Variants in BSN observed in about 807,000 individuals in gnomAD.
BSN encodes protein bassoon.
Under a neutral mutation model 264.8 loss-of-function variants are expected in BSN, and 57 were observed. The observed-to-expected ratio is 0.22, with a 90% CI of 0.17 to 0.27. The LOEUF is 0.27. Ranked by LOEUF, BSN falls within the 10% of genes least tolerant of loss-of-function variation. The pLI is 1.00. For synonymous variants in BSN, 2,059 were observed against 2,137.3 expected (o/e 0.96, Z 1.01); for missense variants, 4,615 against 5,232.5 (o/e 0.88, Z 3.64).
In BSN at chr3:49,657,338, C is replaced by A; in HGVS notation, c.7782C>A (p.Ser2594Arg). Residue 2594 changes from serine to arginine, a missense_variant, in exon 5 of 12, where the codon AGC (serine) becomes AGA (arginine). Around this residue, in one of 3 missense-constraint regions of BSN, gnomAD observed 3,415 missense variants for 3,866.4 expected, o/e 0.88. Coordinates refer to ENST00000296452, the MANE Select transcript of BSN (RefSeq NM_003458.4). Reference protein sequence around the residue: ...SVQTDDEDGESRYLLSRRRRA... With the variant: ...SVQTDDEDGERRYLLSRRRRA... ...AGACAGACGATGAGGATGGGGAGAGCCGCTACCTCTTGAGTCGGCGACGCC... is the reference window on the plus strand; with the variant it reads ...AGACAGACGATGAGGATGGGGAGAGACGCTACCTCTTGAGTCGGCGACGCC... The A allele has an allele frequency of 6.2e-7, 1 of 1,613,474 alleles. No individual in the cohort carries two copies. The highest frequency in any genetic ancestry group is 8.5e-7 in the Non-Finnish European group (1 of 1,180,032).
chr3:49,673,055 A>T (rs1467076702), downstream of BSN, among the ~76,000 whole-genome samples: 1 of 128,802 alleles, frequency 7.8e-6, no homozygotes, highest in African/African-American at 2.9e-5. Flanking sequence ...CAGGGATTAC[A>T]GGCGTGAGCC....
At chr3:49,574,450 T>A (rs1380606909) in intron 1 of BSN, among the ~76,000 whole-genome samples, 3 of 151,998 alleles carry the variant, frequency 2.0e-5, no homozygotes, top group Non-Finnish European at 4.4e-5. Flanking sequence ...GGTAGCTTTT[T>A]TCAGGTGACC....
At chr3:49,605,742 T>A (rs1455483937) in intron 1 of BSN, among the ~76,000 whole-genome samples, 1 of 30,726 alleles carries the variant, frequency 3.3e-5, no homozygotes, top group East Asian at 6.1e-4. Flanking sequence ...AATATATAAA[T>A]ATATATAATA....
In BSN at chr3:49,652,863, G is replaced by A. The variant is rs1198336809; in HGVS notation, c.3307G>A (p.Ala1103Thr). The stretch of plus-strand genomic sequence containing the variant: ...CAGTAACTTGTCACCCATCGAGGAT[G>A]CCTCCCCGACGGAGGAGCTGAGGCA... ...PPSNLSPIED[A>T]SPTEELRQAA... Residue 1103 changes from alanine to threonine, a missense_variant, in exon 5 of 12, where the codon GCC becomes ACC. Ala to Thr is a moderately conservative substitution (Grantham distance 58, BLOSUM62 0). This residue lies in a region of BSN where 3,415 missense variants were observed against 3,866.4 expected (regional missense o/e 0.88). Coordinates refer to ENST00000296452, the MANE Select transcript of BSN (RefSeq NM_003458.4). 1.2e-6 allele frequency: 2 copies of A among 1,606,734 alleles called. No homozygotes were observed. The highest frequency in any genetic ancestry group is 1.7e-6 in the Non-Finnish European group (2 of 1,175,518).
chr3:49,602,028 C>T (rs1235416615), intron 1 of BSN, among the ~76,000 whole-genome samples: 1 of 152,198 alleles, frequency 6.6e-6, no homozygotes, highest in African/African-American at 2.4e-5. Context: ...AAAGTGGGCC[C>T]TGTTTCCTGA....
intron 1 of BSN, among the ~76,000 whole-genome samples, chr3:49,574,703 T>G (rs1284571489): frequency 7.1e-6 from 1 of 140,462 alleles, no homozygotes; most frequent in Non-Finnish European, 1.5e-5. Flanking sequence ...TGGCACAATC[T>G]CGGCTCACTG....
intron 3 of BSN, among the ~76,000 whole-genome samples, chr3:49,646,025 C>T (rs751771862): frequency 2.6e-5 from 4 of 152,234 alleles, no homozygotes; most frequent in Non-Finnish European, 5.9e-5. Flanking sequence ...CACAGTCAAC[C>T]ATCTGGGCCA....
intron 1 of BSN, among the ~76,000 whole-genome samples, chr3:49,580,863 C>G (rs2051890882): frequency 2.0e-5 from 3 of 152,100 alleles, no homozygotes. Flanking sequence ...ACTGTATATT[C>G]ATGATTCATG....
chr3:49,576,911 G>C (rs182058065), intron 1 of BSN, among the ~76,000 whole-genome samples: 1 of 152,282 alleles, frequency 6.6e-6, no homozygotes, highest in East Asian at 1.9e-4. Flanking sequence ...TATGCTGCCT[G>C]TGTCCCTTCA....
intron 1 of BSN, among the ~76,000 whole-genome samples, chr3:49,613,670 T>TC (rs2052230990): frequency 6.6e-6 from 1 of 150,950 alleles, no homozygotes; most frequent in East Asian, 2.0e-4. Context: ...AATTTTCTTT[T>TC]TTTTTTTTTG....
intron 2 of BSN, among the ~76,000 whole-genome samples, chr3:49,634,287 A>C (rs1321336727): frequency 6.6e-6 from 1 of 152,172 alleles, no homozygotes; most frequent in Non-Finnish European, 1.5e-5. Context: ...GATGGAAAGA[A>C]TTACGAAGAT....
intron 1 of BSN, among the ~76,000 whole-genome samples, chr3:49,597,250 A>G (rs1171321337): frequency 6.6e-6 from 1 of 151,884 alleles, no homozygotes; most frequent in Non-Finnish European, 1.5e-5. Context: ...ACTGATCTAT[A>G]TTTGAGTTCT....
chr3:49,592,505 G>C (rs1312732281), intron 1 of BSN, among the ~76,000 whole-genome samples: 1 of 151,428 alleles, frequency 6.6e-6, no homozygotes, highest in African/African-American at 2.4e-5. Flanking sequence ...TGTAATCCCA[G>C]CACTTTGGGA....
At position 49,660,940 on chromosome 3, in the gene BSN, T is replaced by C. The variant is rs2052648459; in HGVS notation, c.9095T>C (p.Phe3032Ser). ...LQGCTTPAGQ[F>S]VDFPATAAAP... ...GGCTGCACCACTCCCGCTGGCCAGTTTGTGGACTTCCCTGCCACTGCCGCT... is the reference window on the plus strand; with the variant it reads ...GGCTGCACCACTCCCGCTGGCCAGTCTGTGGACTTCCCTGCCACTGCCGCT... Residue 3032 changes from phenylalanine to serine, a missense_variant, in exon 6 of 12, where the codon TTT (phenylalanine) becomes TCT (serine). By Grantham distance (155) the Phe-to-Ser change is radical (BLOSUM62 -2). Coordinates refer to ENST00000296452, the MANE Select transcript of BSN (RefSeq NM_003458.4). The surrounding 1 kb of genome is among the most constrained non-coding windows in gnomAD (Gnocchi z 7.1). 1.9e-6 allele frequency: 3 copies of C among 1,612,066 alleles called. No individual in the cohort carries two copies. The highest frequency in any genetic ancestry group is 3.3e-5 in the Admixed American group (2 of 60,028).
rs1327637760 is a variant in BSN at position 49,651,792 on chromosome 3, A to G, written c.2236A>G (p.Ser746Gly). 2 of 1,613,186 alleles carry G rather than the reference A, an allele frequency of 1.2e-6. No homozygotes were observed. Among genetic ancestry groups the G allele is most frequent in the South Asian group, 2.2e-5 (2 of 91,068 alleles). The change falls in exon 5 of 12, where the codon AGC becomes GGC. Residue 746 changes from serine to glycine, a missense_variant. Ser to Gly is a moderately conservative substitution (Grantham distance 56, BLOSUM62 0). Coordinates refer to ENST00000296452, the MANE Select transcript of BSN (RefSeq NM_003458.4). The surrounding 1 kb of genome is among the most constrained non-coding windows in gnomAD (Gnocchi z 5.4). ...QAQGLAPSER[S>G]KPLSSGTGEE... ...CCAGGGCCTGGCCCCAAGTGAGCGG[A>G]GCAAGCCACTCTCCAGCGGTACTGG...
At chr3:49,624,828 C>A in intron 1 of BSN, 147 bp from the exon 2 acceptor site, 2 of 714,078 alleles carry the variant, frequency 2.8e-6, no homozygotes, top group Non-Finnish European at 4.4e-6. Context: ...CAGCACAGGA[C>A]ACAGCAAATG....
At chr3:49,602,377 G>T (rs150333525) in intron 1 of BSN, among the ~76,000 whole-genome samples, 30 of 152,196 alleles carry the variant, frequency 2.0e-4, no homozygotes, top group African/African-American at 5.8e-4. Context: ...GCTGGGGGAA[G>T]GAGAGACCTA....
chr3:49,561,411 C>G (rs1038479207), intron 1 of BSN, among the ~76,000 whole-genome samples: 20 of 152,150 alleles, frequency 1.3e-4, no homozygotes, highest in Non-Finnish European at 2.4e-4. Flanking sequence ...AGCCAAACCT[C>G]CCAAAGATGC....
chr3:49,590,997 G>A (rs374901684), intron 1 of BSN, among the ~76,000 whole-genome samples: 9 of 151,740 alleles, frequency 5.9e-5, no homozygotes, highest in South Asian at 2.1e-4. Context: ...CTTGAACCCC[G>A]GAGGCAGAGG....
Sources: gnomAD v4.1 joint callset for allele counts (sites outside exome capture counted in the v4.1 genomes callset) on GRCh38, gnomAD v4.1.1 for gene constraint, gnomAD v4.1.1 regional missense constraint, Gnocchi (gnomAD v3.1) non-coding constraint, MANE v1.5 for transcripts, NCBI Gene and HGNC (gene_info 2026-07-23, HGNC 2026-07-21) for gene names.